RAP1GDS1: variants seen among roughly 807,000 people sequenced by gnomAD.
The protein encoded by RAP1GDS1 is Rap1 GTPase-GDP dissociation stimulator 1, also known as RAP1, GTP-GDP dissociation stimulator 1.
A neutral mutation model predicts 71.1 loss-of-function variants in RAP1GDS1; 35 were observed. The ratio of observed to expected loss-of-function variants is 0.49; its 90% CI spans 0.38 to 0.65. The LOEUF (loss-of-function observed/expected upper bound fraction) is 0.65. Among genes scored for constraint, RAP1GDS1 ranks in the 30% least tolerant of loss-of-function variants. The pLI is 0.00. For missense variants in RAP1GDS1, 663 were observed against 706.1 expected, an observed-to-expected ratio of 0.94 and a Z score of 0.69; for synonymous variants, 229 against 243.1, an observed-to-expected ratio of 0.94 and a Z score of 0.54.
chr4:98,348,496 T>C (rs1194539637), intron 3 of RAP1GDS1, among the ~76,000 whole-genome samples: 1 of 152,218 alleles, frequency 6.6e-6, no homozygotes, highest in African/African-American at 2.4e-5. Context: ...ATGGGATTGC[T>C]GGGTCAAATG....
At chr4:98,412,862 G>A (rs1747273112) in intron 7 of RAP1GDS1, among the ~76,000 whole-genome samples, 2 of 152,074 alleles carry the variant, frequency 1.3e-5, no homozygotes, top group African/African-American at 4.8e-5. Context: ...AGTGTACAGG[G>A]AGTAGGTCAC....
chr4:98,438,074 T>C (rs1751388046), intron 14 of RAP1GDS1, among the ~76,000 whole-genome samples: 1 of 152,112 alleles, frequency 6.6e-6, no homozygotes, highest in Non-Finnish European at 1.5e-5. Context: ...CTGTCAATTT[T>C]TGCTTAACAT....
At chr4:98,357,226 T>C (rs1258412152) in intron 4 of RAP1GDS1, among the ~76,000 whole-genome samples, 1 of 151,932 alleles carries the variant, frequency 6.6e-6, no homozygotes, top group Non-Finnish European at 1.5e-5. Context: ...ATGAGTTATA[T>C]TAGGTATGTT....
At chr4:98,419,818 C>T (rs1288835220) in intron 10 of RAP1GDS1, among the ~76,000 whole-genome samples, 1 of 151,998 alleles carries the variant, frequency 6.6e-6, no homozygotes, top group Non-Finnish European at 1.5e-5. Flanking sequence ...GTCTGTTATC[C>T]GCTTATACAC....
intron 4 of RAP1GDS1, among the ~76,000 whole-genome samples, chr4:98,360,810 G>C (rs571600759): frequency 6.6e-6 from 1 of 152,152 alleles, no homozygotes; most frequent in South Asian, 2.1e-4. Flanking sequence ...AGTGGCTCAC[G>C]CTTGTAATCC....
intron 12 of RAP1GDS1, among the ~76,000 whole-genome samples, chr4:98,423,786 C>T (rs771339212): frequency 3.3e-5 from 5 of 152,234 alleles, no homozygotes; most frequent in South Asian, 2.1e-4. Context: ...TCAGGTGATC[C>T]GCCTACCTCG....
At chr4:98,343,659 A>AT (rs1181231197) in intron 3 of RAP1GDS1, among the ~76,000 whole-genome samples, 1 of 152,110 alleles carries the variant, frequency 6.6e-6, no homozygotes, top group African/African-American at 2.4e-5. Context: ...AGTTTGGCCT[A>AT]TTGTTCCGAC....
At chr4:98,436,472 T>C (rs1386134810) in intron 13 of RAP1GDS1, among the ~76,000 whole-genome samples, 1 of 152,182 alleles carries the variant, frequency 6.6e-6, no homozygotes, top group African/African-American at 2.4e-5. Context: ...CAGAAAATCT[T>C]GCTAGGATTT....
rs930931390 is a variant in RAP1GDS1, at chr4:98,329,442, G to GA, written c.113-13689dup. Among the ~76,000 whole-genome samples, 13 of 151,602 alleles carry GA rather than the reference G, an allele frequency of 8.6e-5. No homozygotes were observed. In the South Asian group the frequency reaches 2.5e-3, roughly 29 times the overall value. ...AACCCATCAGTTTATTAGTGTTCTA[G>GA]AAAAAAAAGATTTAGTCCATTAATC... On this transcript the variant is annotated intron_variant, in intron 2 of 14. Transcript: ENST00000408927.
At chr4:98,415,438 A>G (rs946074740) in intron 7 of RAP1GDS1, among the ~76,000 whole-genome samples, 2 of 152,198 alleles carry the variant, frequency 1.3e-5, no homozygotes, top group African/African-American at 4.8e-5. Context: ...AGAAATTATG[A>G]GTATTATTTG....
chr4:98,289,224 G>T (rs1397055193), intron 1 of RAP1GDS1, among the ~76,000 whole-genome samples: 1 of 151,972 alleles, frequency 6.6e-6, no homozygotes, highest in Non-Finnish European at 1.5e-5. Flanking sequence ...TATAAAAATA[G>T]AAACTTTCAT....
chr4:98,269,173 CAAAAAAA>C (rs56015226), intron 1 of RAP1GDS1, among the ~76,000 whole-genome samples: 4 of 56,876 alleles, frequency 7.0e-5, no homozygotes, highest in South Asian at 7.6e-4. Flanking sequence ...AATTGATCTT[CAAAAAAA>C]AAAAAAAAAA....
At chr4:98,310,499 C>A (rs1323319043) in intron 2 of RAP1GDS1, among the ~76,000 whole-genome samples, 5 of 152,108 alleles carry the variant, frequency 3.3e-5, no homozygotes, top group Non-Finnish European at 5.9e-5. Context: ...TGATCTGATT[C>A]CAGTACTTAA....
intron 2 of RAP1GDS1, among the ~76,000 whole-genome samples, chr4:98,301,332 TAGG>T (rs1163779076): frequency 1.3e-5 from 2 of 152,170 alleles, no homozygotes; most frequent in Non-Finnish European, 2.9e-5. Context: ...TTGGAGAATA[TAGG>T]AGATTCTCAA....
Position 98,416,785 on chromosome 4 carries a change from G to A in RAP1GDS1, c.804G>A (p.Glu268=). Residue 268 remains glutamate, a synonymous_variant, in exon 8 of 15, where the codon GAG becomes GAA. Transcript: ENST00000408927. ...KLQLVEAGLV[E]CLLEIVQQKV... ...AGCTGGTTGAAGCAGGCCTAGTAGA[G>A]TGTCTACTAGAGATTGTTCAGCAAA... 1 of 1,607,884 alleles carries A rather than the reference G, an allele frequency of 6.2e-7. No individual in the cohort carries two copies. Among genetic ancestry groups the A allele is most frequent in the Non-Finnish European group, 8.5e-7 (1 of 1,174,382 alleles).
intron 2 of RAP1GDS1, among the ~76,000 whole-genome samples, chr4:98,337,437 G>A (rs139440082): frequency 1.4e-3 from 209 of 152,308 alleles, no homozygotes; most frequent in African/African-American, 4.7e-3. Context: ...AGTAGGAAGA[G>A]CTTTGGAGAA....
intron 12 of RAP1GDS1, among the ~76,000 whole-genome samples, chr4:98,426,057 T>A (rs919009378): frequency 6.6e-6 from 1 of 152,070 alleles, no homozygotes; most frequent in Admixed American, 6.5e-5. Flanking sequence ...AAACTGGAAA[T>A]CAACTCCAAA....
intron 5 of RAP1GDS1, among the ~76,000 whole-genome samples, chr4:98,380,165 G>A (rs1294512359): frequency 1.3e-5 from 2 of 151,492 alleles, no homozygotes; most frequent in Non-Finnish European, 3.0e-5. Context: ...GTGAATGGTG[G>A]GGACTGTGGT....
rs114662907 is a variant in RAP1GDS1 at position 98,305,449 on chromosome 4, A to G, written c.112+11934A>G. ...GAGAAGGCTGTATATAGGGTCTAAA[A>G]TATGTCCTATGTGCTTAATCTAAAA... On this transcript the variant is annotated intron_variant, in intron 2 of 14. Coordinates refer to ENST00000408927, the MANE Select transcript of RAP1GDS1 (RefSeq NM_001100427.2). Among the ~76,000 whole-genome samples, 1,183 of 152,282 alleles carry G rather than the reference A, an allele frequency of 7.8e-3. 16 individuals are homozygous for G. The highest frequency in any genetic ancestry group is 0.027 in the African/African-American group (1,131 of 41,552).
Sources: allele counts gnomAD v4.1 joint callset (sites outside exome capture counted in the v4.1 genomes callset), GRCh38; gene constraint gnomAD v4.1.1; transcripts MANE v1.5; gene names NCBI Gene and HGNC (gene_info 2026-07-23, HGNC 2026-07-21).